DCPS: variants seen among roughly 807,000 people sequenced by gnomAD.
DCPS encodes decapping enzyme, scavenger, also known as m7GpppX diphosphatase.
A neutral mutation model predicts 34.7 loss-of-function variants in DCPS; 27 were observed. That is an observed-to-expected ratio of 0.78 (90% CI 0.57 to 1.07). The LOEUF (loss-of-function observed/expected upper bound fraction) is 1.07. Ranked by LOEUF, DCPS falls within the 50% of genes least tolerant of loss-of-function variation. The probability of loss-of-function intolerance (pLI) is 0.00; values close to 1 mark genes in which losing one functional copy is unlikely to be tolerated. For missense variants in DCPS, 464 were observed against 436.9 expected (o/e 1.06, Z -0.55); for synonymous variants, 185 against 185.7 (o/e 1.00, Z 0.03).
In DCPS at chr11:126,334,878, G is replaced by C. The variant is rs191537740; in HGVS notation, c.522+3328G>C. On this transcript the variant is annotated intron_variant, in intron 3 of 5. Transcript: ENST00000263579. The surrounding 1 kb of genome is among the most constrained non-coding windows in gnomAD (Gnocchi z 5.5). ...CCAGCTAGACTTCAACCTCAGCCTG[G>C]TGTTTGGATTCTCAGTCTGTCATCT... 6.6e-6 allele frequency among the ~76,000 whole-genome samples: 1 copy of C among 152,332 alleles called. No individual in the cohort carries two copies. Among genetic ancestry groups the C allele is most frequent in the Admixed American group, 6.5e-5 (1 of 15,302 alleles).
intron 2 of DCPS, among the ~76,000 whole-genome samples, chr11:126,310,480 G>A (rs1438207813): frequency 1.3e-5 from 2 of 152,164 alleles, no homozygotes; most frequent in Non-Finnish European, 2.9e-5. Context: ...TCTTGTTTGG[G>A]GTCAGGGGTG....
At chr11:126,343,947 G>C (rs1218175231) in intron 5 of DCPS, among the ~76,000 whole-genome samples, 1 of 152,194 alleles carries the variant, frequency 6.6e-6, no homozygotes, top group Non-Finnish European at 1.5e-5. Flanking sequence ...GGAGATGGGG[G>C]AAGAGTGTCT....
rs1951766401 is a variant in DCPS at position 126,329,628 on chromosome 11, T to C, written c.377-1777T>C. On this transcript the variant is annotated intron_variant, in intron 2 of 5. Coordinates refer to ENST00000263579, the MANE Select transcript of DCPS (RefSeq NM_014026.6). This position sits in a 1 kb window ranked among gnomAD's most constrained non-coding sequence, Gnocchi z 5.0. Reference sequence around the variant, plus strand: ...AGTAGAAATTGGAAGTAGCCTGTGGTGTTGCAGGAGCACTGGCTTTAGGGT... The same window carrying C: ...AGTAGAAATTGGAAGTAGCCTGTGGCGTTGCAGGAGCACTGGCTTTAGGGT... 1.3e-5 allele frequency among the ~76,000 whole-genome samples: 2 copies of C among 152,196 alleles called. No individual in the cohort carries two copies. The highest frequency in any genetic ancestry group is 4.8e-5 in the African/African-American group (2 of 41,446).
rs1197707346 is a variant in DCPS, at chr11:126,344,088, G to A, written c.747+671G>A. ...TCTAAATCCACCATCCTAAGGGGCT[G>A]GGTCTGAGTCTTTTTTCCACTCTGA... On this transcript the variant is annotated intron_variant, in intron 5 of 5. Transcript: ENST00000263579. The surrounding 1 kb of genome is among the most constrained non-coding windows in gnomAD (Gnocchi z 8.1). 6.6e-6 allele frequency among the ~76,000 whole-genome samples: 1 copy of A among 152,098 alleles called. No homozygotes were observed. The highest frequency in any genetic ancestry group is 1.5e-5 in the Non-Finnish European group (1 of 68,036).
chr11:126,306,225 T>C (rs1258741616), intron 1 of DCPS, among the ~76,000 whole-genome samples: 1 of 152,020 alleles, frequency 6.6e-6, no homozygotes, highest in African/African-American at 2.4e-5. Flanking sequence ...ATACAAAAAT[T>C]AGCCAGATGT....
At position 126,313,998 on chromosome 11, in the gene DCPS, T is replaced by G. The variant is rs1399477718; in HGVS notation, c.376+7254T>G. On this transcript the variant is annotated intron_variant, in intron 2 of 5. Coordinates refer to ENST00000263579, the MANE Select transcript of DCPS (RefSeq NM_014026.6). This position sits in a 1 kb window ranked among gnomAD's most constrained non-coding sequence, Gnocchi z 4.9. ...GAAGTGTGGTTTTCAGTCACAGTTC[T>G]CAAAGTGAAGGTATTTGGTTTCAGC... Among the ~76,000 whole-genome samples the G allele has an allele frequency of 6.6e-6, 1 of 152,224 alleles. No homozygotes were observed. The highest frequency in any genetic ancestry group is 2.4e-5 in the African/African-American group (1 of 41,456).
At position 126,332,242 on chromosome 11, in the gene DCPS, A is replaced by G. The variant is rs1390187214; in HGVS notation, c.522+692A>G. ...GGGATTTGGTGCAGGGACTCCATTCACAAGCTGGCAGTCGTCTGGCCAGGC... is the reference window on the plus strand; with the variant it reads ...GGGATTTGGTGCAGGGACTCCATTCGCAAGCTGGCAGTCGTCTGGCCAGGC... On this transcript the variant is annotated intron_variant, in intron 3 of 5. Coordinates refer to ENST00000263579, the MANE Select transcript of DCPS (RefSeq NM_014026.6). This position sits in a 1 kb window ranked among gnomAD's most constrained non-coding sequence, Gnocchi z 5.4. Among the ~76,000 whole-genome samples, 1 of 152,126 alleles carries G rather than the reference A, an allele frequency of 6.6e-6. No individual in the cohort carries two copies. The highest frequency in any genetic ancestry group is 1.5e-5 in the Non-Finnish European group (1 of 68,016).
chr11:126,341,592 C>T (rs1951876198), intron 4 of DCPS: 1 of 152,154 alleles, frequency 6.6e-6, no homozygotes, highest in African/African-American at 2.4e-5. Context: ...CAGCAGACAT[C>T]ATCTAAACAA....
rs116314603 is a variant in DCPS, at chr11:126,318,033, G to A, written c.376+11289G>A. Among the ~76,000 whole-genome samples, 215 of 152,218 alleles carry A rather than the reference G, an allele frequency of 1.4e-3. 2 individuals are homozygous for A. The highest frequency in any genetic ancestry group is 5.0e-3 in the African/African-American group (207 of 41,516). On this transcript the variant is annotated intron_variant, in intron 2 of 5. Transcript: ENST00000263579. ...AGGAGACCCTGGAGTTTTGCCATCCGGTCCTGTTGCCTCCCTACCCCCTCT... is the reference window on the plus strand; with the variant it reads ...AGGAGACCCTGGAGTTTTGCCATCCAGTCCTGTTGCCTCCCTACCCCCTCT...
At chr11:126,309,384 A>T (rs1159506854) in intron 2 of DCPS, among the ~76,000 whole-genome samples, 1 of 152,060 alleles carries the variant, frequency 6.6e-6, no homozygotes, top group African/African-American at 2.4e-5. Flanking sequence ...CTCTCCTTGG[A>T]TACTAAAATC....
chr11:126,343,625 G>A (rs1196391448), intron 5 of DCPS, among the ~76,000 whole-genome samples: 3 of 152,018 alleles, frequency 2.0e-5, no homozygotes, highest in South Asian at 2.1e-4. Context: ...ACCCTCACAC[G>A]CCTTCCTCGG....
At position 126,312,264 on chromosome 11, in the gene DCPS, G is replaced by T. The variant is rs1350068142; in HGVS notation, c.376+5520G>T. ...AACTTTAAACAATGCTTACCCATCC[G>T]CTATGGCATACTCTGTAGTATTTCC... On this transcript the variant is annotated intron_variant, in intron 2 of 5. Coordinates refer to ENST00000263579, the MANE Select transcript of DCPS (RefSeq NM_014026.6). This position sits in a 1 kb window ranked among gnomAD's most constrained non-coding sequence, Gnocchi z 5.1. Among the ~76,000 whole-genome samples, 1 of 152,062 alleles carries T rather than the reference G, an allele frequency of 6.6e-6. No individual in the cohort carries two copies. The highest frequency in any genetic ancestry group is 6.6e-5 in the Admixed American group (1 of 15,242).
At position 126,320,572 on chromosome 11, in the gene DCPS, G is replaced by A. The variant is rs1487492615; in HGVS notation, c.377-10833G>A. ...AATCCCAACACATTGGGAGGCCAAG[G>A]TGGGTGGATTGCTTGAGCCCAAGAG... On this transcript the variant is annotated intron_variant, in intron 2 of 5. Transcript: ENST00000263579. The surrounding 1 kb of genome is among the most constrained non-coding windows in gnomAD (Gnocchi z 4.7). Among the ~76,000 whole-genome samples the A allele has an allele frequency of 2.0e-5, 3 of 152,210 alleles. No individual in the cohort carries two copies. The highest frequency in any genetic ancestry group is 4.4e-5 in the Non-Finnish European group (3 of 68,042).
At chr11:126,326,528 G>A (rs1258764436) in intron 2 of DCPS, among the ~76,000 whole-genome samples, 1 of 152,220 alleles carries the variant, frequency 6.6e-6, no homozygotes, top group Non-Finnish European at 1.5e-5. Flanking sequence ...TTATAGGGCT[G>A]AGGTTCCGAA....
intron 2 of DCPS, among the ~76,000 whole-genome samples, chr11:126,314,803 G>A (rs552082334): frequency 1.3e-5 from 2 of 152,156 alleles, no homozygotes; most frequent in South Asian, 4.1e-4. Flanking sequence ...GGATGAAAAG[G>A]CATAAGAATG....
intron 1 of DCPS, among the ~76,000 whole-genome samples, chr11:126,305,713 G>T (rs960047406): frequency 1.3e-5 from 2 of 152,148 alleles, no homozygotes; most frequent in Non-Finnish European, 2.9e-5. Context: ...GAGCGACTGC[G>T]CTGGGCCTTG....
At chr11:126,324,216 T>G (rs1487840070) in intron 2 of DCPS, among the ~76,000 whole-genome samples, 1 of 152,226 alleles carries the variant, frequency 6.6e-6, no homozygotes, top group Non-Finnish European at 1.5e-5. Context: ...TTAAATTTTA[T>G]TTTTAACTGA....
rs651922 is a variant in DCPS, at chr11:126,331,395, A to G, written c.377-10A>G. Reference sequence around the variant, plus strand: ...GCTTCCCTGTCACGGGCTGTGCTGTATCATTGCAGATGTAAAGACGACCGT... The same window carrying G: ...GCTTCCCTGTCACGGGCTGTGCTGTGTCATTGCAGATGTAAAGACGACCGT... On this transcript the variant is annotated splice_polypyrimidine_tract_variant and intron_variant, in intron 2 of 5. Coordinates refer to ENST00000263579, the MANE Select transcript of DCPS (RefSeq NM_014026.6). The surrounding 1 kb of genome is among the most constrained non-coding windows in gnomAD (Gnocchi z 7.2). The G allele has an allele frequency of 0.25, 404,120 of 1,613,582 alleles. 51,500 individuals are homozygous for G. Among genetic ancestry groups the G allele is most frequent in the Admixed American group, 0.27 (16,253 of 59,990 alleles).
Position 126,327,265 on chromosome 11 carries a change from GC to G in DCPS, c.377-4138del, listed in dbSNP as rs1384930599. On this transcript the variant is annotated intron_variant, in intron 2 of 5. Transcript: ENST00000263579. This position sits in a 1 kb window ranked among gnomAD's most constrained non-coding sequence, Gnocchi z 4.1. ...TTTGACATTTTTGTAGTGTTATAAAGCCACTAGTTTTGTTGAATGCCCCTGG... is the reference window on the plus strand; with the variant it reads ...TTTGACATTTTTGTAGTGTTATAAAGCACTAGTTTTGTTGAATGCCCCTGG... Among the ~76,000 whole-genome samples, 27 of 152,086 alleles carry G rather than the reference GC, an allele frequency of 1.8e-4. No individual in the cohort carries two copies. Among genetic ancestry groups the G allele is most frequent in the Non-Finnish European group, 7.4e-5 (5 of 68,020 alleles).
Sources: allele counts gnomAD v4.1 joint callset (sites outside exome capture counted in the v4.1 genomes callset), GRCh38; gene constraint gnomAD v4.1.1; non-coding constraint Gnocchi (gnomAD v3.1); transcripts MANE v1.5; gene names NCBI Gene and HGNC (gene_info 2026-07-23, HGNC 2026-07-21).